Variants in TMLHE observed in about 807,000 individuals in gnomAD.
TMLHE encodes the protein trimethyllysine dioxygenase, mitochondrial.
In TMLHE, 18 loss-of-function variants were observed where a neutral mutation model predicts 25.7. The observed-to-expected ratio is 0.70, with a 90% CI of 0.48 to 1.04. The LOEUF (loss-of-function observed/expected upper bound fraction) is 1.04, where lower values mean the gene tolerates loss of function less well. TMLHE is among the 50% of genes least tolerant of loss of function. The pLI, the probability that TMLHE is intolerant of heterozygous loss-of-function variation, is 0.00. For missense variants in TMLHE, 236 were observed against 259.0 expected, an observed-to-expected ratio of 0.91 and a Z score of 0.61; for synonymous variants, 105 against 97.0, an observed-to-expected ratio of 1.08 and a Z score of -0.49.
chrX:155,537,049 T>C (rs1557337693), intron 2 of TMLHE, among the ~76,000 whole-genome samples: 1 of 112,252 alleles, frequency 8.9e-6, no homozygotes, highest in African/African-American at 3.2e-5. Flanking sequence ...CTGAAATCCA[T>C]ATAACCTCTC....
At chrX:155,506,214 A>T (rs1200730189) in intron 6 of TMLHE, among the ~76,000 whole-genome samples, 1 of 111,484 alleles carries the variant, frequency 9.0e-6, no homozygotes, top group Non-Finnish European at 1.9e-5. Context: ...CAAGGACATC[A>T]GTTACAACTT....
rs190822733 is a variant in TMLHE at position 155,573,229 on chromosome X, A to C, written c.-1-27952T>G. Among the ~76,000 whole-genome samples, 513 of 58,443 alleles carry C rather than the reference A, an allele frequency of 8.8e-3. 115 individuals are homozygous for C. Among genetic ancestry groups the C allele is most frequent in the African/African-American group, 0.019 (473 of 24,576 alleles). 50.8% of individuals were successfully genotyped at this position (58,443 alleles called of 115,157 possible). A position where few individuals can be genotyped will look rare whatever the true frequency, so the allele number is the denominator to read the frequency against. On this transcript the variant is annotated intron_variant, in intron 1 of 7. Coordinates refer to ENST00000334398, the MANE Select transcript of TMLHE (RefSeq NM_018196.4). ...TTTATGCAGCCAACAGACACATGAA[A>C]AAATGCTCACCATCACTAGCCATCA...
intron 4 of TMLHE, among the ~76,000 whole-genome samples, chrX:155,513,383 T>A (rs1177744485): frequency 9.0e-6 from 1 of 111,600 alleles, no homozygotes; most frequent in Non-Finnish European, 1.9e-5. Context: ...ACACTTGGTA[T>A]ATTTGAGTGT....
chrX:155,512,293 A>G (rs146375389), intron 4 of TMLHE, among the ~76,000 whole-genome samples: 1 of 106,380 alleles, frequency 9.4e-6, no homozygotes, highest in African/African-American at 3.5e-5. Context: ...CATTAGGTAT[A>G]TCTCCCAATG....
In TMLHE at chrX:155,510,906, C is replaced by T. The variant is rs781857062; in HGVS notation, c.758+767G>A. ...TCCTATTTCTTCACATCCTCTCCAGCACCTGTTGTTTCCTGACTTTTTAAT... is the reference window on the plus strand; with the variant it reads ...TCCTATTTCTTCACATCCTCTCCAGTACCTGTTGTTTCCTGACTTTTTAAT... On this transcript the variant is annotated intron_variant, in intron 5 of 7. Transcript: ENST00000334398. Among the ~76,000 whole-genome samples, 212 of 106,918 alleles carry T rather than the reference C, an allele frequency of 2.0e-3. 1 individual carries two copies. The highest frequency in any genetic ancestry group is 6.9e-3 in the African/African-American group (208 of 30,068). The allele number at this position is 106,918 out of a possible 115,157, so 92.8% of individuals were successfully genotyped here. A position where few individuals can be genotyped will look rare whatever the true frequency, so the allele number is the denominator to read the frequency against.
In TMLHE at chrX:155,564,747, A is replaced by T. The variant is rs1199793868; in HGVS notation, c.-1-19470T>A. On this transcript the variant is annotated intron_variant, in intron 1 of 7. Coordinates refer to ENST00000334398, the MANE Select transcript of TMLHE (RefSeq NM_018196.4). ...CAATGCCACAACAGTATGAGCCAAA[A>T]ACACATCTTCAAGCCATATTCAGCC... 3.2e-5 allele frequency among the ~76,000 whole-genome samples: 2 copies of T among 61,781 alleles called. 1 individual carries two copies. The highest frequency in any genetic ancestry group is 9.1e-5 in the Non-Finnish European group (2 of 22,096). 53.6% of individuals were successfully genotyped at this position (61,781 alleles called of 115,157 possible).
chrX:155,509,092 A>G (rs1421843539), intron 5 of TMLHE, among the ~76,000 whole-genome samples: 1 of 111,562 alleles, frequency 9.0e-6, no homozygotes, highest in Non-Finnish European at 1.9e-5. Flanking sequence ...AGTAAAGCAT[A>G]TAACAATGAA....
chrX:155,550,589 T>C (rs2124428346), intron 1 of TMLHE, among the ~76,000 whole-genome samples: 1 of 111,212 alleles, frequency 9.0e-6, no homozygotes, highest in East Asian at 2.8e-4. Context: ...AATGAAGCAA[T>C]TCCTGAAGCA....
chrX:155,561,725 A>G lies in TMLHE; in HGVS notation c.-1-16448T>C. Reference sequence around the variant, plus strand: ...TAAATGCTCCCATTCCAAATGGGAGAAATTGGCCAAAACAAAGGGGCCACA... The same window carrying G: ...TAAATGCTCCCATTCCAAATGGGAGGAATTGGCCAAAACAAAGGGGCCACA... On this transcript the variant is annotated intron_variant, in intron 1 of 7. Transcript: ENST00000334398. Among the ~76,000 whole-genome samples the G allele has an allele frequency of 3.2e-5, 2 of 62,577 alleles. 1 individual carries two copies. The highest frequency in any genetic ancestry group is 9.0e-5 in the Non-Finnish European group (2 of 22,205). The allele number at this position is 62,577 out of a possible 115,157, so 54.3% of individuals were successfully genotyped here. A position where few individuals can be genotyped will look rare whatever the true frequency, so the allele number is the denominator to read the frequency against.
At chrX:155,578,858 T>C (rs919079318) in intron 1 of TMLHE, among the ~76,000 whole-genome samples, 2 of 111,583 alleles carry the variant, frequency 1.8e-5, no homozygotes, top group African/African-American at 6.5e-5. Context: ...AGAAAAACTT[T>C]GCCCTAGAAA....
At chrX:155,523,405 C>G (rs2067200468) in intron 3 of TMLHE, among the ~76,000 whole-genome samples, 1 of 110,845 alleles carries the variant, frequency 9.0e-6, no homozygotes, top group African/African-American at 3.3e-5. Context: ...TCCAATTGCT[C>G]TGGTACCAAT....
chrX:155,541,197 G>A (rs896646678), intron 2 of TMLHE, among the ~76,000 whole-genome samples: 1 of 110,273 alleles, frequency 9.1e-6, no homozygotes, highest in Non-Finnish European at 1.9e-5. Context: ...CCCTCCCCTA[G>A]ACCCCACTCC....
chrX:155,543,173 T>A (rs2067323053), intron 2 of TMLHE, among the ~76,000 whole-genome samples: 1 of 110,752 alleles, frequency 9.0e-6, no homozygotes, highest in Admixed American at 9.7e-5. Context: ...CTACTCTTAC[T>A]CCACATAGTA....
At chrX:155,583,635 AAAT>A (rs1365100916) in intron 1 of TMLHE, among the ~76,000 whole-genome samples, 26 of 112,330 alleles carry the variant, frequency 2.3e-4, no homozygotes, top group African/African-American at 8.4e-4. Flanking sequence ...CAGCCATAAA[AAAT>A]AATAAAATTG....
chrX:155,533,371 G>A (rs1428363085), intron 2 of TMLHE, among the ~76,000 whole-genome samples: 1 of 67,155 alleles, frequency 1.5e-5, no homozygotes, highest in South Asian at 8.9e-4. Context: ...GCACACACAC[G>A]TGCACACGCA....
chrX:155,508,383 G>C (rs995819788), intron 5 of TMLHE, among the ~76,000 whole-genome samples: 6 of 111,075 alleles, frequency 5.4e-5, no homozygotes, highest in African/African-American at 2.0e-4. Flanking sequence ...AAAGAGAAAG[G>C]TAAGCCTGGC....
chrX:155,612,610 G>T (rs1423458279), intron 1 of TMLHE, 182 bp downstream of exon 1: 2 of 113,150 alleles, frequency 1.8e-5, no homozygotes, highest in African/African-American at 3.2e-5. Context: ...CAACCCTGCG[G>T]CAAGGCAGGA....
intron 1 of TMLHE, among the ~76,000 whole-genome samples, chrX:155,548,692 G>GCACA (rs1875222664): frequency 3.7e-5 from 4 of 107,190 alleles, no homozygotes; most frequent in Non-Finnish European, 5.8e-5. Context: ...CTGAGATTGT[G>GCACA]CCACTGCACT....
chrX:155,593,784 A>G (rs1455282076), intron 1 of TMLHE, among the ~76,000 whole-genome samples: 1 of 111,634 alleles, frequency 9.0e-6, no homozygotes, highest in African/African-American at 3.3e-5. Context: ...GAAGAACTCA[A>G]TGAATGAACT....
Sources: gnomAD v4.1 joint callset for allele counts (sites outside exome capture counted in the v4.1 genomes callset) on GRCh38, gnomAD v4.1.1 for gene constraint, MANE v1.5 for transcripts, NCBI Gene and HGNC (gene_info 2026-07-23, HGNC 2026-07-21) for gene names.